The following PXK variants were observed in gnomAD, a reference collection of about 807,000 sequenced individuals.
PXK encodes the protein PX domain-containing protein kinase-like protein.
A neutral mutation model predicts 84.7 loss-of-function variants in PXK; 35 were observed. That is an observed-to-expected ratio of 0.41 (90% CI 0.32 to 0.55). The LOEUF is 0.55. PXK is among the 20% of genes least tolerant of loss of function. The pLI, the probability that PXK is intolerant of heterozygous loss-of-function variation, is 0.21. For missense variants in PXK, 634 were observed against 699.7 expected, an observed-to-expected ratio of 0.91 and a Z score of 1.06; for synonymous variants, 253 against 260.8, an observed-to-expected ratio of 0.97 and a Z score of 0.29.
chr3:58,352,232 T>C (rs1287075124), intron 1 of PXK, among the ~76,000 whole-genome samples: 3 of 152,130 alleles, frequency 2.0e-5, no homozygotes, highest in Non-Finnish European at 4.4e-5. Context: ...GGGGCCTGTC[T>C]TTGAGGCAGT....
Position 58,421,634 on chromosome 3 carries a change from CA to C in PXK, c.1529-3116del. 1.0e-6 allele frequency: 1 copy of C among 988,240 alleles called. No individual in the cohort carries two copies. The highest frequency in any genetic ancestry group is 1.2e-6 in the Non-Finnish European group (1 of 830,298). The allele number at this position is 988,240 out of a possible 1,614,324, so 61.2% of individuals were successfully genotyped here. On this transcript the variant is annotated intron_variant, in intron 17 of 17. Coordinates refer to ENST00000356151, the MANE Select transcript of PXK (RefSeq NM_017771.5). The surrounding 1 kb of genome is among the most constrained non-coding windows in gnomAD (Gnocchi z 5.5). ...TCAGACATCCTGTCCACAAGGCTGT[CA>C]AGGGGGTTTCTGGCCTGGCATTCCT...
chr3:58,362,267 GTT>G (rs2098199454), intron 1 of PXK, among the ~76,000 whole-genome samples: 2 of 152,116 alleles, frequency 1.3e-5, no homozygotes, highest in Non-Finnish European at 2.9e-5. Context: ...TCAAGAACTT[GTT>G]GCCTAAACCT....
In PXK at chr3:58,425,006, C is replaced by G; in HGVS notation, c.*46C>G. 6.2e-7 allele frequency: 1 copy of G among 1,601,882 alleles called. No individual in the cohort carries two copies. The highest frequency in any genetic ancestry group is 1.1e-5 in the South Asian group (1 of 88,818). Reference sequence around the variant, plus strand: ...AGGGAAAAGTTCTTTTTTATTCCTACTCACCCCTACCCCCCAAACTACCCT... The same window carrying G: ...AGGGAAAAGTTCTTTTTTATTCCTAGTCACCCCTACCCCCCAAACTACCCT... On this transcript the variant is annotated 3_prime_UTR_variant, in exon 18 of 18. Coordinates refer to ENST00000356151, the MANE Select transcript of PXK (RefSeq NM_017771.5).
At position 58,368,017 on chromosome 3, in the gene PXK, T is replaced by G. The variant is rs756042058; in HGVS notation, c.154-1414T>G. Among the ~76,000 whole-genome samples, 3 of 151,924 alleles carry G rather than the reference T, an allele frequency of 2.0e-5. No individual in the cohort carries two copies. The South Asian group carries it at 6.2e-4, about 32-fold the overall frequency. On this transcript the variant is annotated intron_variant, in intron 2 of 17. Coordinates refer to ENST00000356151, the MANE Select transcript of PXK (RefSeq NM_017771.5). Reference sequence around the variant, plus strand: ...TTCTTCTTTTTTTAATTTTTAGTTTTGTAGAAAAGGGGTCTTGCTATGTTG... The same window carrying G: ...TTCTTCTTTTTTTAATTTTTAGTTTGGTAGAAAAGGGGTCTTGCTATGTTG...
intron 12 of PXK, among the ~76,000 whole-genome samples, chr3:58,402,204 C>T (rs1480308513): frequency 6.6e-6 from 1 of 151,658 alleles, no homozygotes; most frequent in Non-Finnish European, 1.5e-5. Context: ...CCCTCTTTCC[C>T]TCTCCTCCTC....
At position 58,370,333 on chromosome 3, in the gene PXK, G is replaced by T. The variant is rs1228582953; in HGVS notation, c.201+855G>T. On this transcript the variant is annotated intron_variant, in intron 3 of 17. Transcript: ENST00000356151. The surrounding 1 kb of genome is among the most constrained non-coding windows in gnomAD (Gnocchi z 4.2). ...TCATCTAGAAACACAGCCAGTGTTG[G>T]TAATGGTTAAAGGGTCCAAGAGGGG... Among the ~76,000 whole-genome samples, 10 of 152,192 alleles carry T rather than the reference G, an allele frequency of 6.6e-5. No homozygotes were observed. Among genetic ancestry groups the T allele is most frequent in the Non-Finnish European group, 5.9e-5 (4 of 68,030 alleles).
At chr3:58,410,200 A>C in intron 16 of PXK, 41 bp downstream of exon 16, 1 of 1,438,176 alleles carries the variant, frequency 7.0e-7, no homozygotes, top group Middle Eastern at 1.8e-4. Flanking sequence ...GGACACAGAG[A>C]TCAGGATCAG....
At chr3:58,369,262 C>G (rs573100457) in intron 2 of PXK, among the ~76,000 whole-genome samples, 169 bp from the exon 3 acceptor site, 177 of 152,292 alleles carry the variant, frequency 1.2e-3, no homozygotes, top group African/African-American at 3.8e-3. Flanking sequence ...AGTCTGTTTT[C>G]TAGGCTTGTC....
chr3:58,336,069 A>G (rs1453949790), intron 1 of PXK, among the ~76,000 whole-genome samples: 1 of 56,634 alleles, frequency 1.8e-5, no homozygotes, highest in Non-Finnish European at 3.1e-5. Flanking sequence ...ATATATATAT[A>G]TATTTTTTTT....
intron 1 of PXK, among the ~76,000 whole-genome samples, chr3:58,338,282 G>C (rs1383751085): frequency 6.8e-6 from 1 of 147,274 alleles, no homozygotes; most frequent in Non-Finnish European, 1.5e-5. Flanking sequence ...GGAGGCTGCA[G>C]TGAGCCGACA....
intron 1 of PXK, among the ~76,000 whole-genome samples, chr3:58,363,050 G>GA (rs923436010): frequency 7.3e-5 from 11 of 151,554 alleles, no homozygotes; most frequent in Non-Finnish European, 1.3e-4. Context: ...ACTATATTTG[G>GA]AAAAAAAACT....
chr3:58,423,215 T>C (rs549346282), intron 17 of PXK: 14 of 983,996 alleles, frequency 1.4e-5, no homozygotes, highest in African/African-American at 1.7e-5. Context: ...TTTTCCCACT[T>C]CAACAGTTAC....
intron 17 of PXK, among the ~76,000 whole-genome samples, chr3:58,418,894 C>G (rs2061393801): frequency 2.6e-5 from 4 of 152,148 alleles, no homozygotes; most frequent in Admixed American, 2.6e-4. Context: ...GCTTAAAATT[C>G]AACTCGCAAA....
At chr3:58,423,477 T>G (rs1276073232) in intron 17 of PXK, 2 of 1,532,168 alleles carry the variant, frequency 1.3e-6, no homozygotes, top group African/African-American at 2.7e-5. Flanking sequence ...TAGGTTTGAG[T>G]AAAAGATGTA....
rs1473178875 is a variant in PXK, at chr3:58,397,926, G to C, written c.1102+204G>C. 1.3e-5 allele frequency among the ~76,000 whole-genome samples: 2 copies of C among 152,214 alleles called. No individual in the cohort carries two copies. The highest frequency in any genetic ancestry group is 4.8e-5 in the African/African-American group (2 of 41,462). On this transcript the variant is annotated intron_variant, in intron 11 of 17. Transcript: ENST00000356151. This position sits in a 1 kb window ranked among gnomAD's most constrained non-coding sequence, Gnocchi z 4.7. ...TTCAGGTGGCTTGTCCATTTGCCAG[G>C]CTATCTGAAATTTCTGGGAACTTTT... is the stretch of plus-strand genomic sequence containing the variant.
chr3:58,342,080 C>G lies in PXK; in HGVS notation c.102+8990C>G, dbSNP rs563369849. ...AACTCAGAATGTTTTTTTTTTAAAC[C>G]TACAAGGCTACTAAACTAATTTAAT... On this transcript the variant is annotated intron_variant, in intron 1 of 17. Coordinates refer to ENST00000356151, the MANE Select transcript of PXK (RefSeq NM_017771.5). Among the ~76,000 whole-genome samples the G allele has an allele frequency of 3.3e-5, 5 of 151,660 alleles. No homozygotes were observed. The East Asian group carries it at 5.8e-4, about 18-fold the overall frequency.
Position 58,385,907 on chromosome 3 carries a change from T to C in PXK, c.388+3207T>C, listed in dbSNP as rs2098546853. On this transcript the variant is annotated intron_variant, in intron 4 of 17. Transcript: ENST00000356151. The surrounding 1 kb of genome is among the most constrained non-coding windows in gnomAD (Gnocchi z 5.1). ...GCAGGATTTGAGTTCTGTGTTCAAG[T>C]GGTGGCCAGAATCAGCAGAGCACTT... Among the ~76,000 whole-genome samples, 1 of 152,182 alleles carries C rather than the reference T, an allele frequency of 6.6e-6. No individual in the cohort carries two copies. The highest frequency in any genetic ancestry group is 1.5e-5 in the Non-Finnish European group (1 of 68,032).
intron 13 of PXK, among the ~76,000 whole-genome samples, chr3:58,406,318 C>T (rs1366332419): frequency 6.7e-6 from 1 of 149,026 alleles, no homozygotes; most frequent in Non-Finnish European, 1.5e-5. Flanking sequence ...TTTTTGTTGC[C>T]AGGCTGGAGT....
rs928036627 is a variant in PXK, at chr3:58,422,894, G to A, written c.1529-1858G>A. On this transcript the variant is annotated intron_variant, in intron 17 of 17. Transcript: ENST00000356151. Reference sequence around the variant, plus strand: ...TTAACTGCACAGTGATTCTTCTGCCGGGGGTCAAAGCACAAACCTGGGAGG... The same window carrying A: ...TTAACTGCACAGTGATTCTTCTGCCAGGGGTCAAAGCACAAACCTGGGAGG... 25 of 985,418 alleles carry A rather than the reference G, an allele frequency of 2.5e-5. 1 individual carries two copies. The Admixed American group carries it at 4.3e-4, about 17-fold the overall frequency. 61.0% of individuals were successfully genotyped at this position (985,418 alleles called of 1,614,324 possible). A position where few individuals can be genotyped will look rare whatever the true frequency, so the allele number is the denominator to read the frequency against.
Sources: allele counts gnomAD v4.1 joint callset (sites outside exome capture counted in the v4.1 genomes callset), GRCh38; gene constraint gnomAD v4.1.1; non-coding constraint Gnocchi (gnomAD v3.1); transcripts MANE v1.5; gene names NCBI Gene and HGNC (gene_info 2026-07-23, HGNC 2026-07-21).